The following ATP2A3 variants were observed in gnomAD, a reference collection of about 807,000 sequenced individuals.
ATP2A3 encodes the protein sarcoplasmic/endoplasmic reticulum calcium ATPase 3.
ATP2A3 carries 61 observed loss-of-function variants against 106.8 expected under a neutral mutation model. That is an observed-to-expected ratio of 0.57 (90% CI 0.46 to 0.71). ATP2A3 has a LOEUF of 0.71. Among genes scored for constraint, ATP2A3 ranks in the 30% least tolerant of loss-of-function variants. The pLI is 0.00. For missense variants in ATP2A3, 1,201 were observed against 1,423.5 expected (o/e 0.84, Z 2.52); for synonymous variants, 611 against 609.3 (o/e 1.00, Z -0.04).
At chr17:3,942,762 G>A (rs1334798806) in intron 11 of ATP2A3, 31 bp from the exon 12 acceptor site, 4 of 1,609,508 alleles carry the variant, frequency 2.5e-6, no homozygotes, top group Middle Eastern at 3.3e-4. Context: ...AGGGCATGAA[G>A]GACAGAGCCA....
At chr17:3,937,339 G>A (rs1030380693) in intron 15 of ATP2A3, 77 bp downstream of exon 15, 25 of 1,501,450 alleles carry the variant, frequency 1.7e-5, no homozygotes, top group Admixed American at 1.1e-4. Flanking sequence ...CAGCGCATCC[G>A]AGGAACAGGC....
chr17:3,930,295 G>A lies in ATP2A3; in HGVS notation c.2744+6C>T. 1.3e-6 allele frequency: 2 copies of A among 1,575,572 alleles called. No homozygotes were observed. Among genetic ancestry groups the A allele is most frequent in the Non-Finnish European group, 1.7e-6 (2 of 1,160,500 alleles). ...GCCCCAGCTCCAGGCCCTGCGCCCAGCCTACCTGTTGAGGGCATTGCACAT... is the reference window on the plus strand; with the variant it reads ...GCCCCAGCTCCAGGCCCTGCGCCCAACCTACCTGTTGAGGGCATTGCACAT... On this transcript the variant is annotated splice_donor_region_variant and intron_variant, in intron 18 of 20. Coordinates refer to ENST00000397041, the MANE Select transcript of ATP2A3 (RefSeq NM_005173.4). The surrounding 1 kb of genome is among the most constrained non-coding windows in gnomAD (Gnocchi z 5.4).
chr17:3,925,422 T>C lies in ATP2A3; in HGVS notation c.3000A>G (p.Ter1000TrpextTer42). Residue 1000 changes from the stop codon to tryptophan, a stop_lost, in exon 21 of 21, where the codon TGA becomes TGG. Coordinates refer to ENST00000397041, the MANE Select transcript of ATP2A3 (RefSeq NM_005173.4). This position sits in a 1 kb window ranked among gnomAD's most constrained non-coding sequence, Gnocchi z 4.2. ...GGAGACTCCACTCTGTTCCCAGCGC[T>C]CACTTCTGGCTCATTTCTTCTGGAA... ...NHMHEEMSQK[*>W] 1 of 1,613,802 alleles carries C rather than the reference T, an allele frequency of 6.2e-7. No homozygotes were observed. Among genetic ancestry groups the C allele is most frequent in the South Asian group, 1.1e-5 (1 of 91,052 alleles).
In ATP2A3 at chr17:3,943,651, G is replaced by A. The variant is rs916729122; in HGVS notation, c.1288-129C>T. 72 of 1,465,808 alleles carry A rather than the reference G, an allele frequency of 4.9e-5. No homozygotes were observed. In the Middle Eastern group the frequency reaches 1.2e-3, roughly 25 times the overall value. The allele number at this position is 1,465,808 out of a possible 1,614,324, so 90.8% of individuals were successfully genotyped here. A position where few individuals can be genotyped will look rare whatever the true frequency, so the allele number is the denominator to read the frequency against. ...CGTGTAACCTCCTTTGCACCGGCCC[G>A]TGAGCCCTTCCCAGCCTGGCCGCCC... On this transcript the variant is annotated intron_variant, in intron 10 of 20. Transcript: ENST00000397041.
intron 1 of ATP2A3, among the ~76,000 whole-genome samples, chr17:3,957,561 C>T (rs946247614): frequency 2.6e-5 from 4 of 152,204 alleles, no homozygotes; most frequent in Non-Finnish European, 4.4e-5. Context: ...TAGGGGTTTA[C>T]GAGGCTCTGC....
chr17:3,930,640 G>T lies in ATP2A3; in HGVS notation c.2611-206C>A, dbSNP rs923342828. ...GCTGCACCGTGCCAGGGAGAAGCAA[G>T]GGCACAGCGTGGGAAAGGCAGACGT... On this transcript the variant is annotated intron_variant, in intron 17 of 20. Coordinates refer to ENST00000397041, the MANE Select transcript of ATP2A3 (RefSeq NM_005173.4). The surrounding 1 kb of genome is among the most constrained non-coding windows in gnomAD (Gnocchi z 5.4). 4.9e-5 allele frequency: 34 copies of T among 690,806 alleles called. No individual in the cohort carries two copies. The African/African-American group carries it at 6.5e-4, about 13-fold the overall frequency. 42.8% of individuals were successfully genotyped at this position (690,806 alleles called of 1,614,324 possible). A position where few individuals can be genotyped will look rare whatever the true frequency, so the allele number is the denominator to read the frequency against.
rs371524348 is a variant in ATP2A3, at chr17:3,946,415, G to A, written c.1095+976C>T. On this transcript the variant is annotated intron_variant, in intron 8 of 20. Coordinates refer to ENST00000397041, the MANE Select transcript of ATP2A3 (RefSeq NM_005173.4). ...AAAATACAAAAATTAGCTGGGTGTGGTGGTGCATGCCTGTCTGTAGTCCCA... is the reference window on the plus strand; with the variant it reads ...AAAATACAAAAATTAGCTGGGTGTGATGGTGCATGCCTGTCTGTAGTCCCA... Among the ~76,000 whole-genome samples, 49 of 152,208 alleles carry A rather than the reference G, an allele frequency of 3.2e-4. No homozygotes were observed. In the South Asian group the frequency reaches 6.0e-3, roughly 19 times the overall value.
chr17:3,958,164 C>T (rs1038726802), intron 1 of ATP2A3, among the ~76,000 whole-genome samples: 5 of 152,194 alleles, frequency 3.3e-5, no homozygotes, highest in Non-Finnish European at 7.3e-5. Flanking sequence ...TACCTAATCC[C>T]CTGTGTCTGT....
chr17:3,941,252 C>T lies in ATP2A3; in HGVS notation c.1819G>A (p.Val607Met). 6.2e-7 allele frequency: 1 copy of T among 1,614,056 alleles called. No individual in the cohort carries two copies. The highest frequency in any genetic ancestry group is 8.5e-7 in the Non-Finnish European group (1 of 1,180,020). ...TAGCAGCGTGTGATGCAGGCAGCCA[C>T]CTCAGGTCGCGGCGGGTCCAGCATG... ...VGMLDPPRPE[V>M]AACITRCYQA... The change falls in exon 14 of 21, where the codon GTG becomes ATG. Residue 607 changes from valine (V) to methionine (M), a missense_variant. By Grantham distance (21) the Val-to-Met change is conservative (BLOSUM62 1). Transcript: ENST00000397041.
chr17:3,945,503 A>G (rs1415336198), intron 8 of ATP2A3: 2 of 207,340 alleles, frequency 9.6e-6, no homozygotes, highest in Non-Finnish European at 2.0e-5. Flanking sequence ...CAAGTAGCTG[A>G]GCCTCAGTTT....
In ATP2A3 at chr17:3,929,138, C is replaced by T. The variant is rs556475202; in HGVS notation, c.2862+190G>A. Among the ~76,000 whole-genome samples the T allele has an allele frequency of 6.6e-6, 1 of 152,322 alleles. No individual in the cohort carries two copies. Among genetic ancestry groups the T allele is most frequent in the Admixed American group, 6.5e-5 (1 of 15,306 alleles). On this transcript the variant is annotated intron_variant, in intron 19 of 20. Coordinates refer to ENST00000397041, the MANE Select transcript of ATP2A3 (RefSeq NM_005173.4). This position sits in a 1 kb window ranked among gnomAD's most constrained non-coding sequence, Gnocchi z 4.3. Reference sequence around the variant, plus strand: ...ACAGTCCCCTCAGCAAGGGGTTTCCCCCTCTTCCGTCCCCCAGGTCTGGGA... The same window carrying T: ...ACAGTCCCCTCAGCAAGGGGTTTCCTCCTCTTCCGTCCCCCAGGTCTGGGA...
chr17:3,927,109 C>A, intron 20 of ATP2A3: 1 of 985,422 alleles, frequency 1.0e-6, no homozygotes, highest in African/African-American at 1.7e-5. Flanking sequence ...CTGCTTTAAC[C>A]TCAAAGCCTG....
intron 1 of ATP2A3, among the ~76,000 whole-genome samples, chr17:3,961,876 T>G (rs898241322): frequency 6.6e-6 from 1 of 152,090 alleles, no homozygotes; most frequent in Non-Finnish European, 1.5e-5. Flanking sequence ...AAGAGGCTGG[T>G]CCAGCATTGC....
At chr17:3,931,322 CAG>C (rs988871403) in intron 17 of ATP2A3, among the ~76,000 whole-genome samples, 3 of 152,038 alleles carry the variant, frequency 2.0e-5, no homozygotes, top group Middle Eastern at 3.2e-3. Context: ...CCTATAGCCT[CAG>C]GGGAGTTTTC....
chr17:3,957,589 G>A (rs759726462), intron 1 of ATP2A3, among the ~76,000 whole-genome samples: 6 of 152,204 alleles, frequency 3.9e-5, no homozygotes, highest in Non-Finnish European at 7.3e-5. Context: ...GGCCTGATCT[G>A]CTTCTAAATG....
Position 3,947,525 on chromosome 17 carries a change from G to C in ATP2A3, c.961C>G (p.Leu321Val), listed in dbSNP as rs2054180475. Residue 321 changes from leucine (L) to valine (V), a missense_variant, in exon 8 of 21, where the codon CTG becomes GTG. This residue lies in a region of ATP2A3 where 935 missense variants were observed against 1,176.7 expected (regional missense o/e 0.79). Coordinates refer to ENST00000397041, the MANE Select transcript of ATP2A3 (RefSeq NM_005173.4). This position sits in a 1 kb window ranked among gnomAD's most constrained non-coding sequence, Gnocchi z 7.7. Reference protein sequence around the residue: ...LPAVITTCLALGTRRMARKNA... With the variant: ...LPAVITTCLAVGTRRMARKNA... ...TTGCGTGCCATGCGCCGCGTGCCCA[G>C]TGCCAGGCATGTAGTGATGACAGCC... The C allele has an allele frequency of 6.2e-7, 1 of 1,613,244 alleles. No homozygotes were observed. Among genetic ancestry groups the C allele is most frequent in the South Asian group, 1.1e-5 (1 of 91,086 alleles).
chr17:3,954,784 C>A (rs1966388), intron 1 of ATP2A3, among the ~76,000 whole-genome samples: 1 of 152,098 alleles, frequency 6.6e-6, no homozygotes, highest in Admixed American at 6.5e-5. Flanking sequence ...CGTGAGCCAC[C>A]GCCCAGGCCT....
Position 3,947,721 on chromosome 17 carries a change from C to G in ATP2A3, c.765G>C (p.Glu255Asp). The G allele has an allele frequency of 6.2e-7, 1 of 1,610,638 alleles. No individual in the cohort carries two copies. Among genetic ancestry groups the G allele is most frequent in the Non-Finnish European group, 8.5e-7 (1 of 1,179,886 alleles). Residue 255 changes from glutamate (E) to aspartate (D), a missense_variant, in exon 8 of 21, where the codon GAG (glutamate) becomes GAC (aspartate). Glu to Asp is a conservative substitution (Grantham distance 45). Coordinates refer to ENST00000397041, the MANE Select transcript of ATP2A3 (RefSeq NM_005173.4). The surrounding 1 kb of genome is among the most constrained non-coding windows in gnomAD (Gnocchi z 7.7). ...TGGCGTGGGACAGCTGCCGTCCAAA[C>G]TCGTCCAGCTTGCGCTGCAGCGGCG... is the stretch of plus-strand genomic sequence containing the variant. ...ERTPLQRKLD[E>D]FGRQLSHAIS...
chr17:3,956,236 C>G (rs528787890), intron 1 of ATP2A3, among the ~76,000 whole-genome samples: 1 of 152,286 alleles, frequency 6.6e-6, no homozygotes, highest in East Asian at 1.9e-4. Context: ...TGCTCTCTGA[C>G]CCACCCTGAC....
Sources: gnomAD v4.1 joint callset for allele counts (sites outside exome capture counted in the v4.1 genomes callset) on GRCh38, gnomAD v4.1.1 for gene constraint, gnomAD v4.1.1 regional missense constraint, Gnocchi (gnomAD v3.1) non-coding constraint, MANE v1.5 for transcripts, NCBI Gene and HGNC (gene_info 2026-07-23, HGNC 2026-07-21) for gene names.